ATXN7: variants seen among roughly 807,000 people sequenced by gnomAD.
The protein encoded by ATXN7 is ataxin-7.
ATXN7 carries 12 observed loss-of-function variants against 70.5 expected under a neutral mutation model. The ratio of observed to expected loss-of-function variants is 0.17; its 90% CI spans 0.11 to 0.28. The LOEUF (loss-of-function observed/expected upper bound fraction) is 0.28, where lower values mean the gene tolerates loss of function less well. Ranked by LOEUF, ATXN7 falls within the 10% of genes least tolerant of loss-of-function variation. The pLI, the probability that ATXN7 is intolerant of heterozygous loss-of-function variation, is 1.00. For missense variants in ATXN7, 1,256 were observed against 1,131.7 expected (o/e 1.11, Z -1.58); for synonymous variants, 498 against 448.7 (o/e 1.11, Z -1.39).
rs982316598 is a variant in ATXN7 at position 63,968,046 on chromosome 3, G to A, written c.500-11869G>A. 3.4e-5 allele frequency: 42 copies of A among 1,247,512 alleles called. 1 individual carries two copies. Among genetic ancestry groups the A allele is most frequent in the South Asian group, 3.0e-4 (23 of 77,904 alleles). 77.3% of individuals were successfully genotyped at this position (1,247,512 alleles called of 1,614,324 possible). A position where few individuals can be genotyped will look rare whatever the true frequency, so the allele number is the denominator to read the frequency against. On this transcript the variant is annotated intron_variant, in intron 5 of 12. Transcript: ENST00000674280. ...CCCAGCTCTGGATGAGCCTGTGGAC[G>A]GTGGGGTAGGTCTTTGCTAACCTTA...
chr3:63,908,269 G>T (rs530875572), intron 2 of ATXN7, among the ~76,000 whole-genome samples: 1 of 152,244 alleles, frequency 6.6e-6, no homozygotes, highest in Admixed American at 6.5e-5. Flanking sequence ...TGATATTCAT[G>T]ACAAGCTGTA....
chr3:63,987,230 T>G (rs73119013), intron 8 of ATXN7, among the ~76,000 whole-genome samples: 1 of 152,342 alleles, frequency 6.6e-6, no homozygotes, highest in Non-Finnish European at 1.5e-5. Context: ...ACAGACACAT[T>G]TTCTTATACG....
chr3:63,999,067 C>T, intron 12 of ATXN7: 1 of 208,576 alleles, frequency 4.8e-6, no homozygotes, highest in South Asian at 7.6e-5. Context: ...TGTGCTAGCC[C>T]TTGACCTTGT....
intron 4 of ATXN7, among the ~76,000 whole-genome samples, chr3:63,928,473 A>T (rs970984882): frequency 6.2e-4 from 95 of 152,278 alleles, no homozygotes; most frequent in African/African-American, 2.1e-3. Context: ...AGCATCTTAG[A>T]CAATACCTGG....
At chr3:63,993,806 A>T (rs1361794848) in intron 11 of ATXN7, among the ~76,000 whole-genome samples, 1 of 152,164 alleles carries the variant, frequency 6.6e-6, no homozygotes, top group Non-Finnish European at 1.5e-5. Flanking sequence ...CCTGGTGGTC[A>T]TGAGAAGCCA....
chr3:63,880,011 G>A (rs532339211), intron 1 of ATXN7, among the ~76,000 whole-genome samples: 21 of 152,038 alleles, frequency 1.4e-4, no homozygotes, highest in South Asian at 4.2e-4. Flanking sequence ...GCTTGAACCC[G>A]GGAAGCAAAG....
rs1438765053 is a variant in ATXN7, at chr3:63,996,343, C to T, written c.2521C>T (p.Pro841Ser). The T allele has an allele frequency of 2.5e-6, 4 of 1,614,176 alleles. No individual in the cohort carries two copies. Among genetic ancestry groups the T allele is most frequent in the East Asian group, 2.2e-5 (1 of 44,868 alleles). Residue 841 changes from proline (P) to serine (S), a missense_variant, in exon 12 of 13, where the codon CCC (proline) becomes TCC (serine). Coordinates refer to ENST00000674280, the MANE Select transcript of ATXN7 (RefSeq NM_001377405.1). The stretch of plus-strand genomic sequence containing the variant: ...CATAGGAAAGAAAAGAAAGTGCTCA[C>T]CCAGCTCGAGCAGCATCAACAACAG... The part of the protein sequence containing the change: ...KLIGKKRKCS[P>S]SSSSINNSSS...
At chr3:63,912,988 C>T (rs529226400) in intron 3 of ATXN7, 65 bp downstream of exon 3, 1 of 1,392,514 alleles carries the variant, frequency 7.2e-7, no homozygotes, top group South Asian at 1.2e-5. Flanking sequence ...CCTCCCCTCC[C>T]CCCTGCCCCC....
At position 64,000,333 on chromosome 3, in the gene ATXN7, T is replaced by C. The variant is rs916761587; in HGVS notation, c.*866T>C. ...AAATCACTATAGGGAGAAAAAACTT[T>C]TTTCAAGATTTCCAAAGAGATGAAA... On this transcript the variant is annotated 3_prime_UTR_variant, in exon 13 of 13. Coordinates refer to ENST00000674280, the MANE Select transcript of ATXN7 (RefSeq NM_001377405.1). The C allele has an allele frequency of 3.3e-5, 5 of 152,182 alleles. No homozygotes were observed. The highest frequency in any genetic ancestry group is 3.4e-3 in the Middle Eastern group (1 of 292). The allele number at this position is 152,182 out of a possible 1,614,324, so 9.4% of individuals were successfully genotyped here. A position where few individuals can be genotyped will look rare whatever the true frequency, so the allele number is the denominator to read the frequency against.
chr3:63,973,441 A>C (rs1366505368), intron 5 of ATXN7, among the ~76,000 whole-genome samples: 1 of 152,104 alleles, frequency 6.6e-6, no homozygotes, highest in African/African-American at 2.4e-5. Flanking sequence ...GAAACTGTGT[A>C]AGTTGATTCT....
At chr3:63,919,170 C>G (rs895336969) in intron 4 of ATXN7, among the ~76,000 whole-genome samples, 1 of 152,180 alleles carries the variant, frequency 6.6e-6, no homozygotes, top group Admixed American at 6.5e-5. Flanking sequence ...TTATATGAGA[C>G]TTCAGTGTCA....
chr3:63,990,820 A>T lies in ATXN7; in HGVS notation c.1643A>T (p.Asn548Ile), dbSNP rs1290692422. 2 of 1,614,048 alleles carry T rather than the reference A, an allele frequency of 1.2e-6. No individual in the cohort carries two copies. Among genetic ancestry groups the T allele is most frequent in the Non-Finnish European group, 1.7e-6 (2 of 1,180,044 alleles). Residue 548 changes from asparagine (N) to isoleucine (I), a missense_variant, in exon 11 of 13, where the codon AAC becomes ATC. By Grantham distance (149) the Asn-to-Ile change is moderately radical. Coordinates refer to ENST00000674280, the MANE Select transcript of ATXN7 (RefSeq NM_001377405.1). ...TGGAATCGACTTCGCTGCGCCCTCA[A>T]CCTCATGGTGGAGAAGCATCTGAAT... Reference protein sequence around the residue: ...SRWNRLRCALNLMVEKHLNAQ... With the variant: ...SRWNRLRCALILMVEKHLNAQ...
chr3:63,970,363 C>G (rs1219843819), intron 5 of ATXN7, among the ~76,000 whole-genome samples: 3 of 152,124 alleles, frequency 2.0e-5, no homozygotes, highest in Non-Finnish European at 4.4e-5. Flanking sequence ...GAACTGATCA[C>G]TCAGACCACT....
At chr3:63,868,529 A>G (rs1702502059) in intron 1 of ATXN7, among the ~76,000 whole-genome samples, 1 of 152,238 alleles carries the variant, frequency 6.6e-6, no homozygotes, top group Admixed American at 6.5e-5. Flanking sequence ...TGTGATGAAG[A>G]TATTAACACT....
At chr3:63,969,139 T>C (rs1325245929) in intron 5 of ATXN7, among the ~76,000 whole-genome samples, 2 of 152,228 alleles carry the variant, frequency 1.3e-5, no homozygotes, top group East Asian at 1.9e-4. Flanking sequence ...TGCAGACTCA[T>C]TGAAAACATT....
At chr3:63,969,670 CAG>C (rs1380847005) in intron 5 of ATXN7, among the ~76,000 whole-genome samples, 1 of 152,016 alleles carries the variant, frequency 6.6e-6, no homozygotes, top group African/African-American at 2.4e-5. Context: ...TTTGGGAAAA[CAG>C]TGACCTAGAC....
At chr3:63,947,566 T>C (rs2074884511) in intron 4 of ATXN7, among the ~76,000 whole-genome samples, 1 of 152,130 alleles carries the variant, frequency 6.6e-6, no homozygotes. Flanking sequence ...CACTCCAGCC[T>C]GGGCGACAGA....
rs1331982133 is a variant in ATXN7, at chr3:63,999,268, G to T, written c.2662-182G>T. ...ATCTTTGCAATGATTGTGCCCAGTA[G>T]TAGTGAAGGCATTTGAAAGCTAAGA... On this transcript the variant is annotated intron_variant, in intron 12 of 12. Coordinates refer to ENST00000674280, the MANE Select transcript of ATXN7 (RefSeq NM_001377405.1). 10 of 593,222 alleles carry T rather than the reference G, an allele frequency of 1.7e-5. No homozygotes were observed. In the East Asian group the frequency reaches 2.8e-4, roughly 17 times the overall value. 36.7% of individuals were successfully genotyped at this position (593,222 alleles called of 1,614,324 possible).
intron 1 of ATXN7, among the ~76,000 whole-genome samples, chr3:63,879,487 GTT>G (rs200065951): frequency 3.0e-5 from 4 of 135,408 alleles, no homozygotes; most frequent in Non-Finnish European, 3.2e-5. Context: ...TATCTCTTCA[GTT>G]TTTTTTTTTT....
Sources: allele counts gnomAD v4.1 joint callset (sites outside exome capture counted in the v4.1 genomes callset), GRCh38; gene constraint gnomAD v4.1.1; transcripts MANE v1.5; gene names NCBI Gene and HGNC (gene_info 2026-07-23, HGNC 2026-07-21).